The following PRR16 variants were observed in gnomAD, a reference collection of about 807,000 sequenced individuals.
The protein encoded by PRR16 is protein Largen.
Under a neutral mutation model 18.2 loss-of-function variants are expected in PRR16, and 6 were observed. That is an observed-to-expected ratio of 0.33 (90% CI 0.18 to 0.65). The LOEUF is 0.65. Ranked by LOEUF, PRR16 falls within the 30% of genes least tolerant of loss-of-function variation. PRR16 has a pLI of 0.74. For missense variants in PRR16, 412 were observed against 376.6 expected (o/e 1.09, Z -0.78); for synonymous variants, 151 against 147.8 (o/e 1.02, Z -0.16).
chr5:120,767,925 C>G, the PRR16 span, among the ~76,000 whole-genome samples: 2 of 151,746 alleles, frequency 1.3e-5, no homozygotes, highest in African/African-American at 4.8e-5. Context: ...AATTATATCA[C>G]AATAAAAGTG....
Position 120,686,730 on chromosome 5 carries a change from G to GT in PRR16, c.*28dup, listed in dbSNP as rs1261171637. ...TGTGATGTATGCCATTAAAAAAATT[G>GT]TTTTTTTAATTTTCTATATTATAAA... On this transcript the variant is annotated 3_prime_UTR_variant, in exon 2 of 2. Transcript: ENST00000407149. 4.2e-6 allele frequency: 6 copies of GT among 1,429,804 alleles called. No homozygotes were observed. The highest frequency in any genetic ancestry group is 1.4e-5 in the African/African-American group (1 of 69,966). The allele number at this position is 1,429,804 out of a possible 1,614,324, so 88.6% of individuals were successfully genotyped here. A position where few individuals can be genotyped will look rare whatever the true frequency, so the allele number is the denominator to read the frequency against.
At chr5:120,717,627 G>C in the PRR16 span, among the ~76,000 whole-genome samples, 14 of 152,136 alleles carry the variant, frequency 9.2e-5, no homozygotes, top group African/African-American at 2.9e-4. Flanking sequence ...AATCTAGAAA[G>C]ATGATGGCAT....
chr5:120,782,419 CA>C, the PRR16 span, among the ~76,000 whole-genome samples: 2 of 152,122 alleles, frequency 1.3e-5, no homozygotes, highest in Non-Finnish European at 2.9e-5. Flanking sequence ...TTTTATCTTT[CA>C]AATTGTGTTT....
At position 120,510,310 on chromosome 5, in the gene PRR16, T is replaced by C. The variant is rs537760804; in HGVS notation, c.159+45665T>C. 5.3e-5 allele frequency among the ~76,000 whole-genome samples: 8 copies of C among 152,284 alleles called. 1 individual carries two copies. The East Asian group carries it at 1.5e-3, about 29-fold the overall frequency. On this transcript the variant is annotated intron_variant, in intron 1 of 1. Transcript: ENST00000407149. The stretch of plus-strand genomic sequence containing the variant: ...GCTATTTAAATACCAAATAATAACA[T>C]TCAACGTGTTACATAGGAGCTTGTT...
At chr5:120,629,108 C>T (rs1361052197) in intron 1 of PRR16, among the ~76,000 whole-genome samples, 1 of 151,988 alleles carries the variant, frequency 6.6e-6, no homozygotes, top group Non-Finnish European at 1.5e-5. Context: ...TGTTTAGCTC[C>T]CACTTATGAG....
the PRR16 span, among the ~76,000 whole-genome samples, chr5:120,707,033 G>T: frequency 1.4e-4 from 21 of 152,222 alleles, no homozygotes; most frequent in Non-Finnish European, 2.9e-4. Flanking sequence ...GATCTTCCTA[G>T]GTTGTAAAAC....
At chr5:120,610,169 A>G in intron 1 of PRR16, among the ~76,000 whole-genome samples, 1 of 152,066 alleles carries the variant, frequency 6.6e-6, no homozygotes. Flanking sequence ...AGTTGAATAA[A>G]TTCTCTTGCT....
intron 1 of PRR16, among the ~76,000 whole-genome samples, chr5:120,676,329 T>C (rs1445088426): frequency 1.3e-5 from 2 of 152,272 alleles, no homozygotes; most frequent in Non-Finnish European, 1.5e-5. Flanking sequence ...AGAGTAGTTA[T>C]GACTTCCCCA....
chr5:120,755,841 C>A, the PRR16 span, among the ~76,000 whole-genome samples: 2 of 151,968 alleles, frequency 1.3e-5, no homozygotes, highest in Non-Finnish European at 2.9e-5. Context: ...AAAAAAGCAA[C>A]AAAAGAATAA....
intron 1 of PRR16, among the ~76,000 whole-genome samples, chr5:120,520,788 T>G (rs1197964420): frequency 1.3e-5 from 2 of 152,228 alleles, no homozygotes; most frequent in African/African-American, 2.4e-5. Context: ...TTTAAAGCTT[T>G]GAGGATCTAT....
At chr5:120,561,043 T>C (rs2112717078) in intron 1 of PRR16, among the ~76,000 whole-genome samples, 1 of 152,202 alleles carries the variant, frequency 6.6e-6, no homozygotes, top group African/African-American at 2.4e-5. Context: ...TAAAGGTTTG[T>C]AAATTTTATC....
In PRR16 at chr5:120,591,233, C is replaced by T. The variant is rs150104545; in HGVS notation, c.160-94721C>T. 3.9e-3 allele frequency among the ~76,000 whole-genome samples: 588 copies of T among 151,914 alleles called. 7 individuals carry two copies. Among genetic ancestry groups the T allele is most frequent in the Non-Finnish European group, 6.2e-3 (422 of 67,950 alleles). ...GGTGGAGGTTGCAGTGAGCCGAGAT[C>T]GTGCCACTGCACTCCAGCCTGGGTG... is the stretch of plus-strand genomic sequence containing the variant. On this transcript the variant is annotated intron_variant, in intron 1 of 1. Coordinates refer to ENST00000407149, the MANE Select transcript of PRR16 (RefSeq NM_001300783.2).
chr5:120,687,135 T>G lies in PRR16; in HGVS notation c.*426T>G, dbSNP rs1362860985. On this transcript the variant is annotated 3_prime_UTR_variant, in exon 2 of 2. Transcript: ENST00000407149. ...ATACTGAAGGACTATTTTATTATTT[T>G]TTTCTAAAGATGTTTGTCACTAGTT... 6.5e-6 allele frequency: 1 copy of G among 153,352 alleles called. No homozygotes were observed. The highest frequency in any genetic ancestry group is 2.4e-5 in the African/African-American group (1 of 41,492). 9.5% of individuals were successfully genotyped at this position (153,352 alleles called of 1,614,324 possible). A position where few individuals can be genotyped will look rare whatever the true frequency, so the allele number is the denominator to read the frequency against.
intron 1 of PRR16, among the ~76,000 whole-genome samples, chr5:120,634,260 C>T (rs923220384): frequency 6.6e-6 from 1 of 152,090 alleles, no homozygotes; most frequent in African/African-American, 2.4e-5. Context: ...ATCACTACTT[C>T]AAACTGAATG....
the PRR16 span, among the ~76,000 whole-genome samples, chr5:120,740,348 T>C: frequency 6.6e-6 from 1 of 152,200 alleles, no homozygotes. Context: ...TACATTTTCT[T>C]TATGGCTTTT....
the PRR16 span, among the ~76,000 whole-genome samples, chr5:120,766,661 A>C: frequency 6.6e-6 from 1 of 151,980 alleles, no homozygotes; most frequent in Non-Finnish European, 1.5e-5. Flanking sequence ...TGTAATCCTC[A>C]ATATAGCACA....
the PRR16 span, among the ~76,000 whole-genome samples, chr5:120,710,392 C>T: frequency 2.4e-4 from 36 of 152,196 alleles, no homozygotes; most frequent in African/African-American, 7.7e-4. Context: ...AGGTACTCTT[C>T]CCAAAGTATC....
At chr5:120,651,753 C>T (rs777236011) in intron 1 of PRR16, among the ~76,000 whole-genome samples, 2 of 152,146 alleles carry the variant, frequency 1.3e-5, no homozygotes, top group Non-Finnish European at 2.9e-5. Flanking sequence ...AGCTTGAAGT[C>T]AGGTAGCATG....
chr5:120,762,432 T>G, the PRR16 span, among the ~76,000 whole-genome samples: 1 of 152,152 alleles, frequency 6.6e-6, no homozygotes, highest in Non-Finnish European at 1.5e-5. Flanking sequence ...TTGTGATTGT[T>G]GTAGTTTTGA....
Sources: gnomAD v4.1 joint callset for allele counts (sites outside exome capture counted in the v4.1 genomes callset) on GRCh38, gnomAD v4.1.1 for gene constraint, MANE v1.5 for transcripts, NCBI Gene and HGNC (gene_info 2026-07-23, HGNC 2026-07-21) for gene names.